Variants in FSD1 observed in about 807,000 individuals in gnomAD.
FSD1 encodes the protein fibronectin type III and SPRY domain containing 1, also known as fibronectin type III and SPRY domain-containing protein 1.
A neutral mutation model predicts 58.2 loss-of-function variants in FSD1; 23 were observed. The observed-to-expected ratio is 0.40, with a 90% CI of 0.28 to 0.56. The LOEUF (loss-of-function observed/expected upper bound fraction) is 0.56. FSD1 is among the 20% of genes least tolerant of loss of function. FSD1 has a pLI of 0.54. For missense variants in FSD1, 563 were observed against 670.8 expected, an observed-to-expected ratio of 0.84 and a Z score of 1.78; for synonymous variants, 265 against 263.4, an observed-to-expected ratio of 1.01 and a Z score of -0.06.
chr19:4,318,592 G>A, intron 9 of FSD1, 87 bp downstream of exon 9: 1 of 1,254,412 alleles, frequency 8.0e-7, no homozygotes, highest in Non-Finnish European at 1.1e-6. Flanking sequence ...CAGAGTTGGG[G>A]TGGAGAGGGG....
chr19:4,322,318 A>G (rs189358878), intron 10 of FSD1, among the ~76,000 whole-genome samples: 175 of 148,186 alleles, frequency 1.2e-3, no homozygotes, highest in Non-Finnish European at 1.8e-3. Flanking sequence ...GGGGGGGCGG[A>G]TAGCTGGGTC....
chr19:4,316,336 C>T (rs1330077359), intron 7 of FSD1, among the ~76,000 whole-genome samples: 4 of 151,882 alleles, frequency 2.6e-5, no homozygotes, highest in East Asian at 1.9e-4. Flanking sequence ...ATTCTCCTTC[C>T]GCAGCCTCCT....
intron 10 of FSD1, among the ~76,000 whole-genome samples, chr19:4,320,945 G>A (rs1196143362): frequency 6.7e-6 from 1 of 150,070 alleles, no homozygotes; most frequent in Non-Finnish European, 1.5e-5. Flanking sequence ...GGAGTATCTG[G>A]AGGGGAATCG....
intron 6 of FSD1, 68 bp from the exon 7 acceptor site, chr19:4,311,774 G>A (rs1971694396): frequency 1.4e-6 from 2 of 1,470,204 alleles, no homozygotes; most frequent in East Asian, 2.3e-5. Flanking sequence ...GGGCAGCCCT[G>A]CAGCAAGCCC....
At chr19:4,307,136 C>T (rs1481775923) in intron 3 of FSD1, among the ~76,000 whole-genome samples, 4 of 152,140 alleles carry the variant, frequency 2.6e-5, no homozygotes, top group African/African-American at 7.2e-5. Flanking sequence ...CTCACTGCAG[C>T]GTCCGCCTCC....
chr19:4,313,633 G>A (rs1340361020), intron 7 of FSD1, among the ~76,000 whole-genome samples: 1 of 151,188 alleles, frequency 6.6e-6, no homozygotes, highest in Admixed American at 6.6e-5. Flanking sequence ...CAGGAGAATT[G>A]CTTGAACCCA....
chr19:4,318,281 CTGTCTCTCTCTG>C, intron 8 of FSD1, 53 bp from the exon 9 acceptor site: 1 of 1,608,646 alleles, frequency 6.2e-7, no homozygotes, highest in Non-Finnish European at 8.5e-7. Flanking sequence ...CTCTGTCTCT[CTGTCTCTCTCTG>C]TGTCTCTCCG....
chr19:4,316,578 G>A (rs572930770), intron 7 of FSD1, among the ~76,000 whole-genome samples: 118 of 151,470 alleles, frequency 7.8e-4, no homozygotes, highest in African/African-American at 2.5e-3. Context: ...TAAATGTGTC[G>A]CCCAGGCTGG....
rs1286487377 is a variant in FSD1 at position 4,323,697 on chromosome 19, C to A, written c.*54C>A. 1.5e-6 allele frequency: 2 copies of A among 1,290,466 alleles called. No homozygotes were observed. Among genetic ancestry groups the A allele is most frequent in the South Asian group, 1.3e-5 (1 of 77,814 alleles). 79.9% of individuals were successfully genotyped at this position (1,290,466 alleles called of 1,614,324 possible). A position where few individuals can be genotyped will look rare whatever the true frequency, so the allele number is the denominator to read the frequency against. ...TTTTTGGGGGAGTCGCCGCCAAGCCCAGGCTGCTGGAGCCAGGCACCCTCC... is the reference window on the plus strand; with the variant it reads ...TTTTTGGGGGAGTCGCCGCCAAGCCAAGGCTGCTGGAGCCAGGCACCCTCC... On this transcript the variant is annotated 3_prime_UTR_variant, in exon 13 of 13. Transcript: ENST00000221856. The surrounding 1 kb of genome is among the most constrained non-coding windows in gnomAD (Gnocchi z 7.7).
intron 4 of FSD1, among the ~76,000 whole-genome samples, chr19:4,308,797 G>A (rs1022399591): frequency 4.6e-5 from 7 of 151,976 alleles, no homozygotes; most frequent in African/African-American, 1.4e-4. Flanking sequence ...GGCGGAGCTT[G>A]CAGTGAGCCA....
intron 4 of FSD1, among the ~76,000 whole-genome samples, chr19:4,309,092 A>G (rs1421186197): frequency 6.6e-6 from 1 of 151,936 alleles, no homozygotes; most frequent in Non-Finnish European, 1.5e-5. Flanking sequence ...AAAATAAAAT[A>G]AAATAATTAG....
chr19:4,306,354 T>TC (rs772675784), intron 3 of FSD1, 25 bp downstream of exon 3: 3 of 1,610,290 alleles, frequency 1.9e-6, no homozygotes, highest in East Asian at 2.2e-5. Flanking sequence ...CATCTTCCTC[T>TC]CCCCCCGCCC....
chr19:4,317,871 G>A (rs1021916802), intron 8 of FSD1, among the ~76,000 whole-genome samples: 12 of 152,124 alleles, frequency 7.9e-5, no homozygotes, highest in Non-Finnish European at 1.8e-4. Flanking sequence ...ACAAAAATTA[G>A]CTGGGAGTGG....
chr19:4,323,451 G>A lies in FSD1; in HGVS notation c.1380+15G>A, dbSNP rs758698284. Reference sequence around the variant, plus strand: ...CTGCTTTCACGGTGAGCTGCCCTCCGCGGCCCAGGGGGAGGAGAGGGTGGT... The same window carrying A: ...CTGCTTTCACGGTGAGCTGCCCTCCACGGCCCAGGGGGAGGAGAGGGTGGT... On this transcript the variant is annotated intron_variant, in intron 12 of 12. Coordinates refer to ENST00000221856, the MANE Select transcript of FSD1 (RefSeq NM_024333.3). The surrounding 1 kb of genome is among the most constrained non-coding windows in gnomAD (Gnocchi z 7.7). 104 of 1,609,600 alleles carry A rather than the reference G, an allele frequency of 6.5e-5. No homozygotes were observed. Among genetic ancestry groups the A allele is most frequent in the Middle Eastern group, 4.9e-4 (3 of 6,068 alleles).
chr19:4,310,780 G>T (rs1971681384), intron 6 of FSD1, 184 bp downstream of exon 6: 1 of 622,858 alleles, frequency 1.6e-6, no homozygotes, highest in African/African-American at 1.8e-5. Flanking sequence ...CCGCCCCTGG[G>T]TGGAGCCATG....
intron 7 of FSD1, among the ~76,000 whole-genome samples, chr19:4,313,727 A>C (rs1184335864): frequency 2.6e-5 from 4 of 151,204 alleles, no homozygotes; most frequent in Admixed American, 2.6e-4. Flanking sequence ...AAAAAAAAAA[A>C]AAACAAAAAG....
At chr19:4,318,196 T>G in intron 8 of FSD1, 150 bp from the exon 9 acceptor site, 1 of 931,440 alleles carries the variant, frequency 1.1e-6, no homozygotes, top group Middle Eastern at 2.2e-4. Context: ...TTCGTCAGTC[T>G]CTTATCTCTG....
At position 4,305,995 on chromosome 19, in the gene FSD1, T is replaced by C; in HGVS notation, c.65T>C (p.Ile22Thr). The C allele has an allele frequency of 6.2e-7, 1 of 1,614,070 alleles. No individual in the cohort carries two copies. The highest frequency in any genetic ancestry group is 8.5e-7 in the Non-Finnish European group (1 of 1,179,992). Residue 22 changes from isoleucine (I) to threonine (T), a missense_variant, in exon 2 of 13, where the codon ATT becomes ACT. Transcript: ENST00000221856. ...ACACTGGCTGTGAAGAATGAAGAAA[T>C]TCAGAGCTTTATCTACTCCCTGAAA... is the stretch of plus-strand genomic sequence containing the variant. Reference protein sequence around the residue: ...IKTLAVKNEEIQSFIYSLKQM... With the variant: ...IKTLAVKNEETQSFIYSLKQM...
rs957616628 is a variant in FSD1, at chr19:4,310,423, C to T, written c.369-52C>T. Reference sequence around the variant, plus strand: ...CCTGGGGAGGGGCCCCCTCGCGCCACGGATGACCAGGCCTGGTCCCCCACG... The same window carrying T: ...CCTGGGGAGGGGCCCCCTCGCGCCATGGATGACCAGGCCTGGTCCCCCACG... On this transcript the variant is annotated intron_variant, in intron 5 of 12. Transcript: ENST00000221856. 2.0e-5 allele frequency: 32 copies of T among 1,604,218 alleles called. 1 individual carries two copies. Among genetic ancestry groups the T allele is most frequent in the South Asian group, 1.2e-4 (11 of 90,658 alleles).
Sources: allele counts gnomAD v4.1 joint callset (sites outside exome capture counted in the v4.1 genomes callset), GRCh38; gene constraint gnomAD v4.1.1; non-coding constraint Gnocchi (gnomAD v3.1); transcripts MANE v1.5; gene names NCBI Gene and HGNC (gene_info 2026-07-23, HGNC 2026-07-21).